BICD1: variants seen among roughly 807,000 people sequenced by gnomAD.
BICD1 encodes the protein BICD cargo adaptor 1.
A neutral mutation model predicts 92.5 loss-of-function variants in BICD1; 35 were observed. The observed-to-expected ratio is 0.38, with a 90% confidence interval of 0.29 to 0.50. BICD1 has a LOEUF of 0.50. BICD1 is among the 20% of genes least tolerant of loss of function. The pLI is 0.93. For synonymous variants in BICD1, 429 were observed against 465.1 expected (o/e 0.92, Z 1.00); for missense variants, 950 against 1,189.8 (o/e 0.80, Z 2.97).
chr12:32,161,916 G>C (rs1339740811), intron 1 of BICD1, among the ~76,000 whole-genome samples: 1 of 152,094 alleles, frequency 6.6e-6, no homozygotes, highest in Non-Finnish European at 1.5e-5. Context: ...GCCAGTTTTA[G>C]AGTTATACCA....
rs1565600360 is a variant in BICD1, at chr12:32,225,631, T to TTTTTTTTTTTTG, written c.426+9182_426+9183insTGTTTTTTTTTT. Among the ~76,000 whole-genome samples, 8 of 139,448 alleles carry TTTTTTTTTTTTG rather than the reference T, an allele frequency of 5.7e-5. 1 individual carries two copies. The Admixed American group carries it at 6.1e-4, about 11-fold the overall frequency. 91.5% of individuals were successfully genotyped at this position (139,448 alleles called of 152,430 possible). A position where few individuals can be genotyped will look rare whatever the true frequency, so the allele number is the denominator to read the frequency against. On this transcript the variant is annotated intron_variant, in intron 2 of 9. Transcript: ENST00000652176. ...CAGTTCTTTTTTTCTGTTTTTTTTT[T>TTTTTTTTTTTTG]TTTTTTTTTTAGACGGAGTTTTGCT...
chr12:32,371,280 A>C (rs915506677), intron 9 of BICD1, among the ~76,000 whole-genome samples: 1 of 152,194 alleles, frequency 6.6e-6, no homozygotes, highest in Non-Finnish European at 1.5e-5. Context: ...TACGTAAAGA[A>C]ATGATTAAAT....
chr12:32,351,103 T>C (rs567534231), intron 8 of BICD1, among the ~76,000 whole-genome samples: 4 of 151,808 alleles, frequency 2.6e-5, no homozygotes, highest in Admixed American at 1.3e-4. Context: ...TCTTGTGTGA[T>C]TGAATTAGTC....
intron 3 of BICD1, among the ~76,000 whole-genome samples, chr12:32,301,905 T>G (rs12307423): frequency 0.17 from 26,163 of 152,016 alleles, 2,904 homozygotes; most frequent in African/African-American, 0.31. Flanking sequence ...TACTTATTTT[T>G]AGACGGAGTC....
At chr12:32,290,618 C>T (rs1308281811) in intron 2 of BICD1, among the ~76,000 whole-genome samples, 1 of 152,186 alleles carries the variant, frequency 6.6e-6, no homozygotes, top group African/African-American at 2.4e-5. Context: ...GCTAAGTCAT[C>T]TCCCAACCCT....
chr12:32,113,686 G>A (rs1941782139), intron 1 of BICD1, among the ~76,000 whole-genome samples: 1 of 149,636 alleles, frequency 6.7e-6, no homozygotes, highest in Non-Finnish European at 1.5e-5. Context: ...TGGGACTACA[G>A]GAGCATACCA....
At chr12:32,118,756 C>T (rs1057211002) in intron 1 of BICD1, among the ~76,000 whole-genome samples, 4 of 152,170 alleles carry the variant, frequency 2.6e-5, no homozygotes, top group African/African-American at 9.7e-5. Context: ...ACTGTATTTA[C>T]GTTATCTACC....
At chr12:32,166,394 C>G (rs1401224472) in intron 1 of BICD1, among the ~76,000 whole-genome samples, 6 of 152,022 alleles carry the variant, frequency 3.9e-5, no homozygotes, top group Non-Finnish European at 7.4e-5. Context: ...CCTCCGCCAC[C>G]CAAAGTGCTG....
At position 32,151,757 on chromosome 12, in the gene BICD1, A is replaced by G. The variant is rs1010851327; in HGVS notation, c.213+44213A>G. Among the ~76,000 whole-genome samples the G allele has an allele frequency of 2.0e-5, 3 of 152,200 alleles. No homozygotes were observed. The South Asian group carries it at 6.2e-4, about 32-fold the overall frequency. Reference sequence around the variant, plus strand: ...ACTGAGTCAGAGTACACTGAGGCATATGAGCAATACCTGAGTGGAATCTGT... The same window carrying G: ...ACTGAGTCAGAGTACACTGAGGCATGTGAGCAATACCTGAGTGGAATCTGT... On this transcript the variant is annotated intron_variant, in intron 1 of 9. Coordinates refer to ENST00000652176, the MANE Select transcript of BICD1 (RefSeq NM_001714.4).
At chr12:32,268,394 G>A (rs1286474472) in intron 2 of BICD1, among the ~76,000 whole-genome samples, 1 of 144,200 alleles carries the variant, frequency 6.9e-6, no homozygotes, top group African/African-American at 2.9e-5. Context: ...TACGTCATTG[G>A]TCCATGTTCA....
intron 1 of BICD1, among the ~76,000 whole-genome samples, chr12:32,166,469 G>T (rs10844143): frequency 0.11 from 16,573 of 152,038 alleles, 1,190 homozygotes; most frequent in East Asian, 0.29. Flanking sequence ...ACAACTGGGG[G>T]GATGCTTCTG....
chr12:32,375,132 G>A lies in BICD1; in HGVS notation c.2841-2408G>A, dbSNP rs1413792349. On this transcript the variant is annotated intron_variant, in intron 9 of 9. Coordinates refer to ENST00000652176, the MANE Select transcript of BICD1 (RefSeq NM_001714.4). ...AGTAGAGACGGGGTTTCACCATGTTGGCCAGGATGGTCTCTATCTCCTGAG... is the reference window on the plus strand; with the variant it reads ...AGTAGAGACGGGGTTTCACCATGTTAGCCAGGATGGTCTCTATCTCCTGAG... Among the ~76,000 whole-genome samples, 6 of 150,196 alleles carry A rather than the reference G, an allele frequency of 4.0e-5. No individual in the cohort carries two copies. The East Asian group carries it at 1.2e-3, about 31-fold the overall frequency.
chr12:32,143,955 G>C (rs1174769546), intron 1 of BICD1, among the ~76,000 whole-genome samples: 1 of 152,020 alleles, frequency 6.6e-6, no homozygotes, highest in Admixed American at 6.5e-5. Flanking sequence ...TAAGTCTTCA[G>C]CCATTTCAAA....
intron 2 of BICD1, among the ~76,000 whole-genome samples, chr12:32,289,663 G>A (rs961052711): frequency 6.6e-6 from 1 of 152,254 alleles, no homozygotes; most frequent in Admixed American, 6.5e-5. Flanking sequence ...GATTACAGGC[G>A]TAAGCCACCG....
chr12:32,349,110 C>G (rs1938759935), intron 8 of BICD1, among the ~76,000 whole-genome samples: 1 of 152,050 alleles, frequency 6.6e-6, no homozygotes, highest in African/African-American at 2.4e-5. Flanking sequence ...TCCCAAAGCT[C>G]TGCAAGCAAA....
At chr12:32,226,817 G>A (rs1168042804) in intron 2 of BICD1, among the ~76,000 whole-genome samples, 1 of 152,240 alleles carries the variant, frequency 6.6e-6, no homozygotes, top group African/African-American at 2.4e-5. Context: ...TAAGTACAGG[G>A]GCTTCCTCCC....
intron 1 of BICD1, among the ~76,000 whole-genome samples, chr12:32,176,140 A>T (rs1250826497): frequency 6.6e-6 from 1 of 152,192 alleles, no homozygotes; most frequent in South Asian, 2.1e-4. Context: ...GTTTTTGGAC[A>T]TGTAGGTTGT....
At chr12:32,219,168 A>C (rs1050258727) in intron 2 of BICD1, among the ~76,000 whole-genome samples, 1 of 152,210 alleles carries the variant, frequency 6.6e-6, no homozygotes, top group Admixed American at 6.5e-5. Flanking sequence ...AGTTTGACAG[A>C]TGCTGTGTCT....
At chr12:32,298,870 C>CAA (rs59280755) in intron 3 of BICD1, among the ~76,000 whole-genome samples, 9 of 56,038 alleles carry the variant, frequency 1.6e-4, no homozygotes, top group Non-Finnish European at 1.9e-4. Context: ...AACTCCATCT[C>CAA]AAAAAAAAAA....
Sources: gnomAD v4.1 joint callset for allele counts (sites outside exome capture counted in the v4.1 genomes callset) on GRCh38, gnomAD v4.1.1 for gene constraint, MANE v1.5 for transcripts, NCBI Gene and HGNC (gene_info 2026-07-23, HGNC 2026-07-21) for gene names.